Variants in IGF1R observed in about 807,000 individuals in gnomAD.
IGF1R encodes insulin like growth factor 1 receptor, also known as insulin-like growth factor 1 receptor.
Under a neutral mutation model 144.6 loss-of-function variants are expected in IGF1R, and 44 were observed. The observed-to-expected ratio is 0.30, with a 90% CI of 0.24 to 0.39. The LOEUF is 0.39. IGF1R is among the 10% of genes least tolerant of loss of function. The pLI, the probability that IGF1R is intolerant of heterozygous loss-of-function variation, is 1.00. For missense variants in IGF1R, 1,355 were observed against 1,833.7 expected, an observed-to-expected ratio of 0.74 and a Z score of 4.77; for synonymous variants, 795 against 722.8, an observed-to-expected ratio of 1.10 and a Z score of -1.60.
Position 98,939,225 on chromosome 15 carries a change from A to G in IGF1R, c.3322A>G (p.Ser1108Gly). The G allele has an allele frequency of 1.2e-6, 2 of 1,614,102 alleles. No individual in the cohort carries two copies. Among genetic ancestry groups the G allele is most frequent in the South Asian group, 1.1e-5 (1 of 91,072 alleles). ...MENNPVLAPP[S>G]LSKMIQMAGE... is the part of the protein sequence containing the mutation. ...GAATAATCCAGTCCTAGCACCTCCA[A>G]GCCTGAGCAAGATGATTCAGATGGC... is the stretch of plus-strand genomic sequence containing the variant. The change falls in exon 18 of 21, where the codon AGC (serine) becomes GGC (glycine). Residue 1108 changes from serine to glycine, a missense_variant. Ser to Gly is a moderately conservative substitution (Grantham distance 56). This residue lies in a region of IGF1R where 45 missense variants were observed against 43.5 expected (regional missense o/e 1.03). Transcript: ENST00000650285.
chr15:98,912,779 A>G (rs1466828139), intron 7 of IGF1R, among the ~76,000 whole-genome samples: 3 of 152,288 alleles, frequency 2.0e-5, no homozygotes, highest in African/African-American at 7.2e-5. Flanking sequence ...TAGTTTTTGC[A>G]TATGTTCTTA....
chr15:98,747,279 C>A (rs2054892247), intron 2 of IGF1R, among the ~76,000 whole-genome samples: 1 of 152,104 alleles, frequency 6.6e-6, no homozygotes, highest in Non-Finnish European at 1.5e-5. Context: ...TCACTGCAAC[C>A]TCCACCTCCC....
chr15:98,798,262 A>G (rs1477131271), intron 2 of IGF1R, among the ~76,000 whole-genome samples: 5 of 152,130 alleles, frequency 3.3e-5, no homozygotes, highest in African/African-American at 1.2e-4. Flanking sequence ...GTATTCAGAG[A>G]AGGTCTCTAG....
chr15:98,796,341 G>A (rs2056241389), intron 2 of IGF1R, among the ~76,000 whole-genome samples: 1 of 152,156 alleles, frequency 6.6e-6, no homozygotes, highest in Admixed American at 6.5e-5. Flanking sequence ...TTTCATTCTT[G>A]GAAAGATTTC....
intron 2 of IGF1R, among the ~76,000 whole-genome samples, chr15:98,831,905 T>C (rs1001570137): frequency 6.6e-6 from 1 of 152,060 alleles, no homozygotes; most frequent in African/African-American, 2.4e-5. Flanking sequence ...GTAGTGTTCC[T>C]CTTTGGGGAT....
At chr15:98,810,165 G>A (rs2056555751) in intron 2 of IGF1R, among the ~76,000 whole-genome samples, 1 of 141,690 alleles carries the variant, frequency 7.1e-6, no homozygotes, top group African/African-American at 2.7e-5. Context: ...GGGGTGGTGG[G>A]TGGTTTTCCT....
intron 2 of IGF1R, among the ~76,000 whole-genome samples, chr15:98,794,383 T>C (rs529103788): frequency 6.6e-6 from 1 of 152,252 alleles, no homozygotes; most frequent in East Asian, 1.9e-4. Flanking sequence ...ATCTCTTCTG[T>C]ATTAGAGAGC....
intron 2 of IGF1R, among the ~76,000 whole-genome samples, chr15:98,724,902 AC>A (rs1476181701): frequency 6.6e-6 from 1 of 152,080 alleles, no homozygotes; most frequent in Admixed American, 6.6e-5. Flanking sequence ...TTCAGTGAGA[AC>A]CTCTGTACTC....
chr15:98,682,941 G>A (rs1424929273), intron 1 of IGF1R, among the ~76,000 whole-genome samples: 1 of 151,300 alleles, frequency 6.6e-6, no homozygotes, highest in African/African-American at 2.4e-5. Flanking sequence ...GTTGGAGCAG[G>A]CTCCGGGGCA....
chr15:98,801,229 G>A (rs45564733), intron 2 of IGF1R, among the ~76,000 whole-genome samples: 3 of 152,156 alleles, frequency 2.0e-5, no homozygotes, highest in Admixed American at 1.3e-4. Context: ...GGGGTGTGCT[G>A]GGGTCCACAT....
intron 1 of IGF1R, among the ~76,000 whole-genome samples, chr15:98,655,757 C>T (rs1235971175): frequency 6.7e-6 from 1 of 148,852 alleles, no homozygotes; most frequent in East Asian, 1.9e-4. Flanking sequence ...GGTCTCTGGT[C>T]ACCTAGGCTG....
rs1020147112 is a variant in IGF1R, at chr15:98,682,989, A to G, written c.95-24573A>G. On this transcript the variant is annotated intron_variant, in intron 1 of 20. Coordinates refer to ENST00000650285, the MANE Select transcript of IGF1R (RefSeq NM_000875.5). ...CTAGAGTTGATGAACCCCTCATATC[A>G]GTGACCTCCCCATGTCACAGTGTAT... 2.0e-4 allele frequency among the ~76,000 whole-genome samples: 30 copies of G among 150,478 alleles called. No homozygotes were observed. In the East Asian group the frequency reaches 5.6e-3, roughly 28 times the overall value.
At chr15:98,771,122 C>A (rs2141371894) in intron 2 of IGF1R, among the ~76,000 whole-genome samples, 1 of 152,250 alleles carries the variant, frequency 6.6e-6, no homozygotes, top group Middle Eastern at 3.4e-3. Flanking sequence ...CTAATGGGGT[C>A]TTCACGGAGG....
At chr15:98,823,018 C>G (rs1423194324) in intron 2 of IGF1R, among the ~76,000 whole-genome samples, 1 of 152,188 alleles carries the variant, frequency 6.6e-6, no homozygotes, top group Non-Finnish European at 1.5e-5. Context: ...TCAGTTTTAA[C>G]TTACTCAAAG....
In IGF1R at chr15:98,891,879, T is replaced by G. The variant is rs1235472451; in HGVS notation, c.953+242T>G. On this transcript the variant is annotated intron_variant, in intron 3 of 20. Coordinates refer to ENST00000650285, the MANE Select transcript of IGF1R (RefSeq NM_000875.5). The surrounding 1 kb of genome is among the most constrained non-coding windows in gnomAD (Gnocchi z 4.7). ...TTTTAAGTGCATACTGCCTGGCCAT[T>G]TGAAATTAAGTACTTGCTTGCTGGT... 6.6e-6 allele frequency among the ~76,000 whole-genome samples: 1 copy of G among 152,196 alleles called. No individual in the cohort carries two copies. The highest frequency in any genetic ancestry group is 1.5e-5 in the Non-Finnish European group (1 of 68,038).
chr15:98,812,205 C>A (rs899139568), intron 2 of IGF1R, among the ~76,000 whole-genome samples: 2 of 152,154 alleles, frequency 1.3e-5, no homozygotes, highest in Non-Finnish European at 2.9e-5. Flanking sequence ...TCTTGGGATG[C>A]GGCTGAAGAT....
intron 2 of IGF1R, among the ~76,000 whole-genome samples, chr15:98,862,460 C>T (rs1035788606): frequency 6.6e-6 from 1 of 152,220 alleles, no homozygotes; most frequent in Non-Finnish European, 1.5e-5. Flanking sequence ...GGGCCCTCAA[C>T]TTGGGATGCC....
intron 2 of IGF1R, among the ~76,000 whole-genome samples, chr15:98,826,853 C>A (rs948655167): frequency 6.6e-6 from 1 of 152,038 alleles, no homozygotes; most frequent in Admixed American, 6.6e-5. Context: ...GCAGGTGCAC[C>A]TGAATAGGCA....
chr15:98,783,782 A>G (rs1596301994), intron 2 of IGF1R, among the ~76,000 whole-genome samples: 1 of 152,104 alleles, frequency 6.6e-6, no homozygotes, highest in Non-Finnish European at 1.5e-5. Context: ...ATTAGGTGTC[A>G]CTTGCTACAT....
Sources: allele counts gnomAD v4.1 joint callset (sites outside exome capture counted in the v4.1 genomes callset), GRCh38; gene constraint gnomAD v4.1.1; regional missense constraint gnomAD v4.1.1; non-coding constraint Gnocchi (gnomAD v3.1); transcripts MANE v1.5; gene names NCBI Gene and HGNC (gene_info 2026-07-23, HGNC 2026-07-21).